Variants in IL17A observed in about 807,000 individuals in gnomAD.
The protein encoded by IL17A is interleukin-17A.
In IL17A, 1 loss-of-function variant was observed where a neutral mutation model predicts 7.2. That is an observed-to-expected ratio of 0.14 (90% confidence interval 0.05 to 0.66). The LOEUF is 0.66. Ranked by LOEUF, IL17A falls within the 30% of genes least tolerant of loss-of-function variation. IL17A has a pLI of 0.84. For missense variants in IL17A, 191 were observed against 197.1 expected (o/e 0.97, Z 0.18); for synonymous variants, 90 against 77.7 (o/e 1.16, Z -0.83).
intron 1 of IL17A, 31 bp from the exon 2 acceptor site, chr6:52,187,572 A>C (rs1417071110): frequency 1.3e-6 from 2 of 1,555,488 alleles, no homozygotes; most frequent in East Asian, 2.2e-5. Flanking sequence ...TCTAATCTCC[A>C]ACCTCTCTCT....
At chr6:52,186,525 C>T in intron 1 of IL17A, 67 bp downstream of exon 1, 1 of 1,492,200 alleles carries the variant, frequency 6.7e-7, no homozygotes, top group South Asian at 1.1e-5. Context: ...GGACCGTGGG[C>T]ATGAAACGCT....
At position 52,187,649 on chromosome 6, in the gene IL17A, T is replaced by C; in HGVS notation, c.74T>C (p.Ile25Thr). 3 of 1,614,112 alleles carry C rather than the reference T, an allele frequency of 1.9e-6. No homozygotes were observed. The South Asian group carries it at 3.3e-5, about 18-fold the overall frequency. The change falls in exon 2 of 3, where the codon ATC becomes ACC. Residue 25 changes from isoleucine to threonine, a missense_variant. Ile to Thr is a moderately conservative substitution (Grantham distance 89). Coordinates refer to ENST00000648244, the MANE Select transcript of IL17A (RefSeq NM_002190.3). Reference protein sequence around the residue: ...LSLEAIVKAGITIPRNPGCPN... With the variant: ...LSLEAIVKAGTTIPRNPGCPN... ...CTGGAGGCCATAGTGAAGGCAGGAA[T>C]CACAATCCCACGAAATCCAGGATGC...
chr6:52,189,166 C>A lies in IL17A; in HGVS notation c.342C>A (p.Pro114=), dbSNP rs776799320. 3.7e-6 allele frequency: 6 copies of A among 1,614,038 alleles called. No individual in the cohort carries two copies. The East Asian group carries it at 1.1e-4, about 30-fold the overall frequency. The change falls in exon 3 of 3, where the codon CCC becomes CCA. Residue 114 remains proline, a synonymous_variant. Transcript: ENST00000648244. ...TGGACTACCACATGAACTCTGTCCC[C>A]ATCCAGCAAGAGATCCTGGTCCTGC... ...GNVDYHMNSV[P]IQQEILVLRR... is the part of the protein sequence containing the mutation.
chr6:52,190,426 C>T lies in IL17A; in HGVS notation c.*1134C>T, dbSNP rs896588609. The T allele has an allele frequency of 1.3e-5, 2 of 152,146 alleles. No individual in the cohort carries two copies. Among genetic ancestry groups the T allele is most frequent in the African/African-American group, 4.8e-5 (2 of 41,418 alleles). 9.4% of individuals were successfully genotyped at this position (152,146 alleles called of 1,614,324 possible). On this transcript the variant is annotated 3_prime_UTR_variant, in exon 3 of 3. Coordinates refer to ENST00000648244, the MANE Select transcript of IL17A (RefSeq NM_002190.3). ...AGGCTTCCTTTGGAGATTAAGGCCC[C>T]TCAGAGATCAACAGACCAACATTTT...
Position 52,190,249 on chromosome 6 carries a change from A to G in IL17A, c.*957A>G, listed in dbSNP as rs1206661512. 6.6e-6 allele frequency: 1 copy of G among 152,234 alleles called. No individual in the cohort carries two copies. Among genetic ancestry groups the G allele is most frequent in the Non-Finnish European group, 1.5e-5 (1 of 68,042 alleles). The allele number at this position is 152,234 out of a possible 1,614,324, so 9.4% of individuals were successfully genotyped here. A position where few individuals can be genotyped will look rare whatever the true frequency, so the allele number is the denominator to read the frequency against. On this transcript the variant is annotated 3_prime_UTR_variant, in exon 3 of 3. Coordinates refer to ENST00000648244, the MANE Select transcript of IL17A (RefSeq NM_002190.3). Reference sequence around the variant, plus strand: ...CAATGCTGTAGACAGAAGCATTTTGATAGGAATAGAGCAAATAAGATAATG... The same window carrying G: ...CAATGCTGTAGACAGAAGCATTTTGGTAGGAATAGAGCAAATAAGATAATG...
chr6:52,188,645 C>G (rs1206416641), intron 2 of IL17A, among the ~76,000 whole-genome samples: 1 of 152,088 alleles, frequency 6.6e-6, no homozygotes, highest in Non-Finnish European at 1.5e-5. Context: ...GATGTATTCC[C>G]TCTTCAAAGA....
chr6:52,186,401 A>G lies in IL17A; in HGVS notation c.-31A>G, dbSNP rs1391091338. On this transcript the variant is annotated 5_prime_UTR_variant, in exon 1 of 3. Transcript: ENST00000648244. ...TCCATCTCATAGCAGGCACAAACTC[A>G]TCCATCCCCAGTTGATTGGAAGAAA... The G allele has an allele frequency of 6.2e-7, 1 of 1,612,066 alleles. No homozygotes were observed. Among genetic ancestry groups the G allele is most frequent in the South Asian group, 1.1e-5 (1 of 91,014 alleles).
intron 2 of IL17A, among the ~76,000 whole-genome samples, chr6:52,188,750 A>T (rs1250170071): frequency 6.6e-6 from 1 of 151,784 alleles, no homozygotes; most frequent in African/African-American, 2.4e-5. Flanking sequence ...AATGTACCCT[A>T]AAAAAGCTAT....
At chr6:52,188,434 T>C (rs1051748442) in intron 2 of IL17A, among the ~76,000 whole-genome samples, 1 of 152,186 alleles carries the variant, frequency 6.6e-6, no homozygotes, top group African/African-American at 2.4e-5. Context: ...AGCCTACAGA[T>C]TGGTCTGATT....
At chr6:52,186,778 T>A (rs1327209548) in intron 1 of IL17A, among the ~76,000 whole-genome samples, 1 of 152,224 alleles carries the variant, frequency 6.6e-6, no homozygotes, top group Non-Finnish European at 1.5e-5. Context: ...GGATTTAATA[T>A]AATTCTCCCA....
In IL17A at chr6:52,190,493, G is replaced by T. The variant is rs1363196909; in HGVS notation, c.*1201G>T. The T allele has an allele frequency of 1.3e-5, 2 of 152,150 alleles. No individual in the cohort carries two copies. Among genetic ancestry groups the T allele is most frequent in the Non-Finnish European group, 2.9e-5 (2 of 68,050 alleles). The allele number at this position is 152,150 out of a possible 1,614,324, so 9.4% of individuals were successfully genotyped here. On this transcript the variant is annotated 3_prime_UTR_variant, in exon 3 of 3. Transcript: ENST00000648244. ...CACTCCTAGGGCCTGGCTTCTGTCT[G>T]ATCAAGGCACCACACAACCCAGAAA...
rs146484080 is a variant in IL17A at position 52,187,066 on chromosome 6, G to A, written c.28-537G>A. Among the ~76,000 whole-genome samples, 37 of 152,248 alleles carry A rather than the reference G, an allele frequency of 2.4e-4. No homozygotes were observed. The East Asian group carries it at 6.4e-3, about 26-fold the overall frequency. Reference sequence around the variant, plus strand: ...TACCTAAGAAAACATGAAGGAGATCGAGTTTTTAGTTGGATGCCTGCCAGT... The same window carrying A: ...TACCTAAGAAAACATGAAGGAGATCAAGTTTTTAGTTGGATGCCTGCCAGT... On this transcript the variant is annotated intron_variant, in intron 1 of 2. Transcript: ENST00000648244.
chr6:52,189,127 C>A lies in IL17A; in HGVS notation c.303C>A (p.Asn101Lys), dbSNP rs767532310. 6.2e-7 allele frequency: 1 copy of A among 1,614,034 alleles called. No individual in the cohort carries two copies. The change falls in exon 3 of 3, where the codon AAC (asparagine) becomes AAA (lysine). Residue 101 changes from asparagine to lysine, a missense_variant. Coordinates refer to ENST00000648244, the MANE Select transcript of IL17A (RefSeq NM_002190.3). ...AGTGCCGCCACTTGGGCTGCATCAACGCTGATGGGAACGTGGACTACCACA... is the reference window on the plus strand; with the variant it reads ...AGTGCCGCCACTTGGGCTGCATCAAAGCTGATGGGAACGTGGACTACCACA... ...EAKCRHLGCI[N>K]ADGNVDYHMN...
In IL17A at chr6:52,189,842, T is replaced by C. The variant is rs960777887; in HGVS notation, c.*550T>C. 1.3e-5 allele frequency: 2 copies of C among 152,216 alleles called. No individual in the cohort carries two copies. The highest frequency in any genetic ancestry group is 4.8e-5 in the African/African-American group (2 of 41,444). 9.4% of individuals were successfully genotyped at this position (152,216 alleles called of 1,614,324 possible). The stretch of plus-strand genomic sequence containing the variant: ...GAGTCTTTACAACATACGGATATAG[T>C]ATTTCCTCCTCTTTGTTTTTAAAAG... On this transcript the variant is annotated 3_prime_UTR_variant, in exon 3 of 3. Coordinates refer to ENST00000648244, the MANE Select transcript of IL17A (RefSeq NM_002190.3).
chr6:52,187,801 C>A lies in IL17A; in HGVS notation c.226C>A (p.Leu76Ile), dbSNP rs1380289273. The change falls in exon 2 of 3, where the codon CTC becomes ATC. Residue 76 changes from leucine (L) to isoleucine (I), a missense_variant. Transcript: ENST00000648244. ...YYNRSTSPWN[L>I]HRNEDPERYP... ...CAACCGATCCACCTCACCTTGGAAT[C>A]TCCAGTACGTAAAGCTTCCAGATAA... 6.2e-7 allele frequency: 1 copy of A among 1,612,668 alleles called. No homozygotes were observed. Among genetic ancestry groups the A allele is most frequent in the Non-Finnish European group, 8.5e-7 (1 of 1,178,686 alleles).
At position 52,186,855 on chromosome 6, in the gene IL17A, G is replaced by A. The variant is rs531350109; in HGVS notation, c.27+397G>A. ...GAAAGCCGTAGCAGCAACAACCTTT[G>A]TTTCCATTATCTCGTACCATATTCT... On this transcript the variant is annotated intron_variant, in intron 1 of 2. Transcript: ENST00000648244. Among the ~76,000 whole-genome samples the A allele has an allele frequency of 9.2e-5, 14 of 152,140 alleles. No individual in the cohort carries two copies. The South Asian group carries it at 2.9e-3, about 32-fold the overall frequency.
intron 1 of IL17A, among the ~76,000 whole-genome samples, chr6:52,186,703 A>T (rs939041484): frequency 3.9e-5 from 6 of 152,250 alleles, no homozygotes; most frequent in Non-Finnish European, 7.3e-5. Context: ...CCACACAAGA[A>T]GTGTCACATG....
At chr6:52,187,832 C>T (rs1763311952) in intron 2 of IL17A, 27 bp downstream of exon 2, 1 of 1,560,392 alleles carries the variant, frequency 6.4e-7, no homozygotes, top group Non-Finnish European at 8.8e-7. Flanking sequence ...GATAAAAATG[C>T]TATATTCTTC....
chr6:52,189,281 C>A lies in IL17A; in HGVS notation c.457C>A (p.His153Asn). 1.2e-6 allele frequency: 2 copies of A among 1,613,704 alleles called. No homozygotes were observed. Among genetic ancestry groups the A allele is most frequent in the Non-Finnish European group, 1.7e-6 (2 of 1,179,706 alleles). Residue 153 changes from histidine to asparagine, a missense_variant, in exon 3 of 3, where the codon CAT becomes AAT. By Grantham distance (68) the His-to-Asn change is moderately conservative. Transcript: ENST00000648244. Reference sequence around the variant, plus strand: ...CACCTGTGTCACCCCGATTGTCCACCATGTGGCCTAAGAGCTCTGGGGAGC... The same window carrying A: ...CACCTGTGTCACCCCGATTGTCCACAATGTGGCCTAAGAGCTCTGGGGAGC... ...GCTCVTPIVH[H>N]VA
Sources: allele counts gnomAD v4.1 joint callset (sites outside exome capture counted in the v4.1 genomes callset), GRCh38; gene constraint gnomAD v4.1.1; transcripts MANE v1.5; gene names NCBI Gene and HGNC (gene_info 2026-07-23, HGNC 2026-07-21).